The following PLXNA2 variants were observed in gnomAD, a reference collection of about 807,000 sequenced individuals.
PLXNA2 encodes the protein plexin-A2.
A neutral mutation model predicts 193.5 loss-of-function variants in PLXNA2; 91 were observed. The ratio of observed to expected loss-of-function variants is 0.47; its 90% CI spans 0.40 to 0.56. The LOEUF (loss-of-function observed/expected upper bound fraction) is 0.56. Among genes scored for constraint, PLXNA2 ranks in the 20% least tolerant of loss-of-function variants. PLXNA2 has a pLI of 0.00. For synonymous variants in PLXNA2, 997 were observed against 1,027.3 expected, an observed-to-expected ratio of 0.97 and a Z score of 0.56; for missense variants, 1,995 against 2,503.2, an observed-to-expected ratio of 0.80 and a Z score of 4.33.
At chr1:208,101,658 A>G (rs565766074) in intron 5 of PLXNA2, among the ~76,000 whole-genome samples, 1 of 152,276 alleles carries the variant, frequency 6.6e-6, no homozygotes, top group South Asian at 2.1e-4. Context: ...TTGCTGATAG[A>G]TCTATAGGCA....
chr1:208,208,706 T>G (rs1216192557), intron 3 of PLXNA2, among the ~76,000 whole-genome samples: 1 of 152,174 alleles, frequency 6.6e-6, no homozygotes, highest in Non-Finnish European at 1.5e-5. Flanking sequence ...TTAGAGAGCC[T>G]GTGTGCCATT....
intron 12 of PLXNA2, among the ~76,000 whole-genome samples, chr1:208,061,933 T>C (rs983162433): frequency 2.0e-5 from 3 of 152,320 alleles, no homozygotes; most frequent in Admixed American, 6.5e-5. Context: ...AGATACTTAC[T>C]TTTTACAGCA....
At chr1:208,240,162 C>T (rs975955570) in intron 1 of PLXNA2, among the ~76,000 whole-genome samples, 4 of 152,240 alleles carry the variant, frequency 2.6e-5, no homozygotes, top group African/African-American at 9.6e-5. Flanking sequence ...AAGGACCCTG[C>T]TCCCCAACAA....
chr1:208,227,233 GA>G (rs1004081547), intron 1 of PLXNA2, among the ~76,000 whole-genome samples: 5 of 151,820 alleles, frequency 3.3e-5, no homozygotes, highest in African/African-American at 9.7e-5. Context: ...TTATTTTCTG[GA>G]AAAAAAACTA....
intron 3 of PLXNA2, among the ~76,000 whole-genome samples, chr1:208,146,755 C>A (rs1558215389): frequency 6.6e-6 from 1 of 152,156 alleles, no homozygotes; most frequent in Non-Finnish European, 1.5e-5. Flanking sequence ...CGGTGCAACA[C>A]CAAGATGCAC....
intron 4 of PLXNA2, among the ~76,000 whole-genome samples, chr1:208,119,190 C>T (rs1041017621): frequency 6.6e-6 from 1 of 151,862 alleles, no homozygotes; most frequent in African/African-American, 2.4e-5. Flanking sequence ...CACAGGAGTA[C>T]GAGGCTGAAA....
intron 1 of PLXNA2, among the ~76,000 whole-genome samples, chr1:208,233,328 G>A (rs1000003404): frequency 5.9e-5 from 9 of 152,224 alleles, no homozygotes; most frequent in African/African-American, 9.6e-5. Context: ...TGCAAGGAAC[G>A]TATCTTTTTT....
chr1:208,236,275 A>G lies in PLXNA2; in HGVS notation c.-81+7368T>C, dbSNP rs79001323. ...CAGGTATTTTTGTTCCTCAGGAGAA[A>G]AAAATGGGAAACCGGGGAGCAGTCA... On this transcript the variant is annotated intron_variant, in intron 1 of 31. Coordinates refer to ENST00000367033, the MANE Select transcript of PLXNA2 (RefSeq NM_025179.4). This position sits in a 1 kb window ranked among gnomAD's most constrained non-coding sequence, Gnocchi z 4.4. 9.0e-3 allele frequency among the ~76,000 whole-genome samples: 1,375 copies of G among 152,300 alleles called. 17 individuals are homozygous for G. Among genetic ancestry groups the G allele is most frequent in the African/African-American group, 0.032 (1,335 of 41,550 alleles).
chr1:208,138,619 G>A (rs138467629), intron 4 of PLXNA2, among the ~76,000 whole-genome samples: 247 of 152,326 alleles, frequency 1.6e-3, no homozygotes, highest in African/African-American at 4.9e-3. Context: ...GCGCAGTGGC[G>A]CACGCTTGTA....
chr1:208,079,250 C>G lies in PLXNA2; in HGVS notation c.2586+10G>C. The G allele has an allele frequency of 6.3e-7, 1 of 1,595,414 alleles. No homozygotes were observed. Among genetic ancestry groups the G allele is most frequent in the Non-Finnish European group, 8.6e-7 (1 of 1,164,362 alleles). The stretch of plus-strand genomic sequence containing the variant: ...CACCCCTTCCTGCTCTAGAGACTTG[C>G]AGGACTTACCTCGGTGATTTGAGGG... On this transcript the variant is annotated intron_variant, in intron 12 of 31. Coordinates refer to ENST00000367033, the MANE Select transcript of PLXNA2 (RefSeq NM_025179.4).
chr1:208,027,066 C>G lies in PLXNA2; in HGVS notation c.*177G>C. The G allele has an allele frequency of 1.8e-6, 1 of 556,400 alleles. No individual in the cohort carries two copies. Among genetic ancestry groups the G allele is most frequent in the Non-Finnish European group, 3.2e-6 (1 of 313,514 alleles). The allele number at this position is 556,400 out of a possible 1,614,324, so 34.5% of individuals were successfully genotyped here. A position where few individuals can be genotyped will look rare whatever the true frequency, so the allele number is the denominator to read the frequency against. ...CGCCCACTGTCTCTCCCAGCTGGAACTGGCTATGACGAAACTTGGCTGGCG... is the reference window on the plus strand; with the variant it reads ...CGCCCACTGTCTCTCCCAGCTGGAAGTGGCTATGACGAAACTTGGCTGGCG... On this transcript the variant is annotated 3_prime_UTR_variant, in exon 32 of 32. Transcript: ENST00000367033.
chr1:208,178,372 T>TG (rs1040972729), intron 3 of PLXNA2, among the ~76,000 whole-genome samples: 2 of 151,976 alleles, frequency 1.3e-5, no homozygotes, highest in Non-Finnish European at 2.9e-5. Context: ...GAGGAACAGG[T>TG]GGGGAAGAAT....
In PLXNA2 at chr1:208,212,126, A is replaced by G. The variant is rs142016738; in HGVS notation, c.1189-1664T>C. Among the ~76,000 whole-genome samples, 1,060 of 152,284 alleles carry G rather than the reference A, an allele frequency of 7.0e-3. 9 individuals carry two copies. The highest frequency in any genetic ancestry group is 0.01 in the Middle Eastern group (3 of 294). On this transcript the variant is annotated intron_variant, in intron 2 of 31. Transcript: ENST00000367033. Reference sequence around the variant, plus strand: ...GGAGGAAGGAAATGGCTATCGTAGAAATCATAGAAAGCAGCAGAACAGCCT... The same window carrying G: ...GGAGGAAGGAAATGGCTATCGTAGAGATCATAGAAAGCAGCAGAACAGCCT...
At chr1:208,200,405 C>T (rs1670505663) in intron 3 of PLXNA2, among the ~76,000 whole-genome samples, 2 of 152,078 alleles carry the variant, frequency 1.3e-5, no homozygotes, top group Non-Finnish European at 2.9e-5. Flanking sequence ...TCATCTTGGG[C>T]TACACAAGTG....
Position 208,028,709 on chromosome 1 carries a change from G to A in PLXNA2, c.5438+121C>T, listed in dbSNP as rs1393205585. ...GCAGCAGGGGGTGTGGCAGGGAGGG[G>A]AGTGGGAGGTCCTGAAGAGATGACA... On this transcript the variant is annotated intron_variant, in intron 30 of 31. Coordinates refer to ENST00000367033, the MANE Select transcript of PLXNA2 (RefSeq NM_025179.4). The surrounding 1 kb of genome is among the most constrained non-coding windows in gnomAD (Gnocchi z 4.2). 3 of 840,168 alleles carry A rather than the reference G, an allele frequency of 3.6e-6. No homozygotes were observed. The highest frequency in any genetic ancestry group is 5.6e-6 in the Non-Finnish European group (3 of 539,664). The allele number at this position is 840,168 out of a possible 1,614,324, so 52.0% of individuals were successfully genotyped here.
intron 3 of PLXNA2, among the ~76,000 whole-genome samples, chr1:208,145,716 C>A (rs1406361448): frequency 6.6e-6 from 1 of 152,180 alleles, no homozygotes; most frequent in Non-Finnish European, 1.5e-5. Flanking sequence ...CAATCCCAAC[C>A]ATTAATATTT....
chr1:208,092,957 A>G (rs184109126), intron 8 of PLXNA2, 57 bp from the exon 9 acceptor site: 2 of 1,194,332 alleles, frequency 1.7e-6, no homozygotes, highest in Admixed American at 1.7e-5. Flanking sequence ...GGAAGGTGGC[A>G]TGTGTCATGA....
At position 208,077,440 on chromosome 1, in the gene PLXNA2, G is replaced by A. The variant is rs532495182; in HGVS notation, c.2586+1820C>T. Among the ~76,000 whole-genome samples, 8 of 152,314 alleles carry A rather than the reference G, an allele frequency of 5.3e-5. No individual in the cohort carries two copies. The South Asian group carries it at 6.2e-4, about 12-fold the overall frequency. On this transcript the variant is annotated intron_variant, in intron 12 of 31. Coordinates refer to ENST00000367033, the MANE Select transcript of PLXNA2 (RefSeq NM_025179.4). ...GTTTCCCAGTGAGAAGCTTGCCTTC[G>A]GCTGGAAAGGGGCCCCAGCCAGTTG...
At chr1:208,062,215 G>A (rs1665643309) in intron 12 of PLXNA2, among the ~76,000 whole-genome samples, 1 of 152,160 alleles carries the variant, frequency 6.6e-6, no homozygotes, top group Admixed American at 6.5e-5. Flanking sequence ...TGGAGTGTCC[G>A]ATGGGGTGGG....
Sources: gnomAD v4.1 joint callset for allele counts (sites outside exome capture counted in the v4.1 genomes callset) on GRCh38, gnomAD v4.1.1 for gene constraint, Gnocchi (gnomAD v3.1) non-coding constraint, MANE v1.5 for transcripts, NCBI Gene and HGNC (gene_info 2026-07-23, HGNC 2026-07-21) for gene names.